The following GCNT1 variants were observed in gnomAD, a reference collection of about 807,000 sequenced individuals.
GCNT1 encodes beta-1,3-galactosyl-O-glycosyl-glycoprotein beta-1,6-N-acetylglucosaminyltransferase.
A neutral mutation model predicts 26.2 loss-of-function variants in GCNT1; 16 were observed. That is an observed-to-expected ratio of 0.61 (90% CI 0.41 to 0.93). The LOEUF (loss-of-function observed/expected upper bound fraction) is 0.93, where lower values mean the gene tolerates loss of function less well. GCNT1 is among the 40% of genes least tolerant of loss of function. The pLI, the probability that GCNT1 is intolerant of heterozygous loss-of-function variation, is 0.00. For synonymous variants in GCNT1, 183 were observed against 190.8 expected, an observed-to-expected ratio of 0.96 and a Z score of 0.34; for missense variants, 477 against 526.7, an observed-to-expected ratio of 0.91 and a Z score of 0.92.
At chr9:76,425,282 G>A (rs1823245312) in intron 1 of GCNT1, among the ~76,000 whole-genome samples, 1 of 151,776 alleles carries the variant, frequency 6.6e-6, no homozygotes, top group African/African-American at 2.4e-5. Flanking sequence ...GAGTGCAATG[G>A]CACGATCTTG....
intron 1 of GCNT1, among the ~76,000 whole-genome samples, chr9:76,430,514 TG>T (rs1321209469): frequency 2.6e-5 from 4 of 152,038 alleles, no homozygotes; most frequent in Non-Finnish European, 5.9e-5. Flanking sequence ...CCTCAGTAAC[TG>T]GGACTAAGGG....
chr9:76,443,970 GA>G (rs1823528371), intron 1 of GCNT1, among the ~76,000 whole-genome samples: 1 of 75,064 alleles, frequency 1.3e-5, no homozygotes, highest in African/African-American at 4.7e-5. Context: ...AGGAAGGAAG[GA>G]AGGAAGGAAG....
At chr9:76,399,242 G>A in the GCNT1 span, 5 of 1,498,358 alleles carry the variant, frequency 3.3e-6, no homozygotes, top group Non-Finnish European at 3.7e-6. Flanking sequence ...GGCTCGGGAA[G>A]TTCTGCGCAT....
upstream of GCNT1, among the ~76,000 whole-genome samples, chr9:76,418,446 C>A (rs1234900918): frequency 6.6e-6 from 1 of 152,072 alleles, no homozygotes; most frequent in African/African-American, 2.4e-5. Flanking sequence ...TGGCTTGCAC[C>A]AGGTTTTCAG....
intron 1 of GCNT1, among the ~76,000 whole-genome samples, chr9:76,447,230 C>CT (rs1564226851): frequency 7.8e-6 from 1 of 128,006 alleles, no homozygotes; most frequent in African/African-American, 2.8e-5. Flanking sequence ...TCTTCCTTTT[C>CT]TTTTTTTCTT....
chr9:76,420,399 G>T (rs550913071), intron 1 of GCNT1, among the ~76,000 whole-genome samples: 2 of 151,896 alleles, frequency 1.3e-5, no homozygotes, highest in Non-Finnish European at 2.9e-5. Flanking sequence ...TTAGCCTCCC[G>T]AGAAGCCGGG....
At chr9:76,443,914 A>AAAGG (rs1823524226) in intron 1 of GCNT1, among the ~76,000 whole-genome samples, 1 of 65,762 alleles carries the variant, frequency 1.5e-5, no homozygotes, top group Non-Finnish European at 3.5e-5. Context: ...AGAAAGGAAG[A>AAAGG]AAGGAAGAAA....
chr9:76,490,592 G>C (rs1370912398), intron 2 of GCNT1, among the ~76,000 whole-genome samples: 1 of 152,198 alleles, frequency 6.6e-6, no homozygotes, highest in Non-Finnish European at 1.5e-5. Context: ...TGAAAATCTT[G>C]TAAGTTTGGG....
intron 1 of GCNT1, among the ~76,000 whole-genome samples, chr9:76,449,302 T>TA (rs1479271809): frequency 1.8e-5 from 2 of 111,318 alleles, no homozygotes; most frequent in Admixed American, 8.7e-5. Flanking sequence ...CCTGTCTCTA[T>TA]AAAAAACAAC....
intron 2 of GCNT1, among the ~76,000 whole-genome samples, chr9:76,464,355 T>C (rs1034741544): frequency 6.6e-6 from 1 of 152,092 alleles, no homozygotes; most frequent in African/African-American, 2.4e-5. Flanking sequence ...TAGCTGGGAC[T>C]ACAGGCACAC....
upstream of GCNT1, among the ~76,000 whole-genome samples, chr9:76,455,445 T>A (rs1823742297): frequency 6.6e-6 from 1 of 152,178 alleles, no homozygotes; most frequent in African/African-American, 2.4e-5. Context: ...AAGGATGTTA[T>A]CCATGATGAT....
the GCNT1 span, among the ~76,000 whole-genome samples, chr9:76,407,100 A>G: frequency 1.3e-5 from 2 of 152,066 alleles, no homozygotes; most frequent in African/African-American, 4.8e-5. Flanking sequence ...CTCCTATGTT[A>G]TCTTCTAGGA....
chr9:76,399,698 C>G, the GCNT1 span: 2 of 645,750 alleles, frequency 3.1e-6, no homozygotes, highest in Non-Finnish European at 5.4e-6. Context: ...CCATTTTTAC[C>G]CCTACTCCCA....
At chr9:76,453,757 C>T (rs935003202) in intron 1 of GCNT1, among the ~76,000 whole-genome samples, 10 of 152,170 alleles carry the variant, frequency 6.6e-5, no homozygotes, top group Admixed American at 1.3e-4. Flanking sequence ...GACAAGATGG[C>T]CAGAGCACTG....
At chr9:76,434,334 T>C (rs1428806874) in intron 1 of GCNT1, among the ~76,000 whole-genome samples, 1 of 152,136 alleles carries the variant, frequency 6.6e-6, no homozygotes, top group Non-Finnish European at 1.5e-5. Context: ...CAGGACTCAC[T>C]ATTGTGGGAA....
chr9:76,398,653 G>C, the GCNT1 span: 1 of 987,320 alleles, frequency 1.0e-6, no homozygotes, highest in Non-Finnish European at 1.6e-6. Context: ...GGGCCCATAC[G>C]GCGTTGTTCT....
the GCNT1 span, among the ~76,000 whole-genome samples, chr9:76,396,654 C>A: frequency 2.0e-5 from 3 of 151,946 alleles, no homozygotes; most frequent in Non-Finnish European, 4.4e-5. Context: ...CCAGCCTGGG[C>A]AACATGGTGA....
At position 76,503,298 on chromosome 9, in the gene GCNT1, A is replaced by G. The variant is rs1055690516; in HGVS notation, c.917A>G (p.Gln306Arg). Reference protein sequence around the residue: ...VGYVLQNEKIQKLMEWAQDTY... With the variant: ...VGYVLQNEKIRKLMEWAQDTY... The stretch of plus-strand genomic sequence containing the variant: ...TATGTACTACAGAATGAAAAAATCC[A>G]AAAGTTGATGGAGTGGGCACAAGAC... The change falls in exon 4 of 4, where the codon CAA (glutamine) becomes CGA (arginine). Residue 306 changes from glutamine (Q) to arginine (R), a missense_variant. Transcript: ENST00000376730. 2 of 1,614,062 alleles carry G rather than the reference A, an allele frequency of 1.2e-6. No individual in the cohort carries two copies. The highest frequency in any genetic ancestry group is 1.7e-5 in the Admixed American group (1 of 60,006).
intron 1 of GCNT1, among the ~76,000 whole-genome samples, chr9:76,424,598 A>C (rs1258559659): frequency 6.6e-6 from 1 of 152,220 alleles, no homozygotes; most frequent in African/African-American, 2.4e-5. Flanking sequence ...AAAGAAAAAA[A>C]CTAGATAGAC....
Sources: gnomAD v4.1 joint callset for allele counts (sites outside exome capture counted in the v4.1 genomes callset) on GRCh38, gnomAD v4.1.1 for gene constraint, MANE v1.5 for transcripts, NCBI Gene and HGNC (gene_info 2026-07-23, HGNC 2026-07-21) for gene names.